Variants in DNAJC12 observed in about 807,000 individuals in gnomAD.
DNAJC12 encodes dnaJ homolog subfamily C member 12.
In DNAJC12, 25 loss-of-function variants were observed where a neutral mutation model predicts 28.5. The observed-to-expected ratio is 0.88, with a 90% CI of 0.64 to 1.22. The LOEUF (loss-of-function observed/expected upper bound fraction) is 1.22. Ranked by LOEUF, DNAJC12 falls within the 50% of genes most tolerant of loss-of-function variation. DNAJC12 has a pLI of 0.00. For missense variants in DNAJC12, 222 were observed against 231.7 expected, an observed-to-expected ratio of 0.96 and a Z score of 0.27; for synonymous variants, 77 against 80.6, an observed-to-expected ratio of 0.95 and a Z score of 0.24.
intron 1 of DNAJC12, among the ~76,000 whole-genome samples, chr10:67,828,301 A>C (rs186573361): frequency 3.3e-5 from 5 of 152,264 alleles, no homozygotes; most frequent in Admixed American, 6.5e-5. Context: ...GTGTGTATCT[A>C]TCTCTCTATA....
At chr10:67,815,514 AAAAAAAAAAAAAAG>A (rs1165089319) in intron 2 of DNAJC12, among the ~76,000 whole-genome samples, 1 of 150,310 alleles carries the variant, frequency 6.7e-6, no homozygotes, top group Non-Finnish European at 1.5e-5. Flanking sequence ...GTCTCAAAAA[AAAAAAAAAAAAAAG>A]AAAAGAAAAA....
chr10:67,806,773 C>T (rs550094160), intron 3 of DNAJC12, among the ~76,000 whole-genome samples: 87 of 147,116 alleles, frequency 5.9e-4, no homozygotes, highest in Non-Finnish European at 1.0e-3. Flanking sequence ...TGCAGTGAGC[C>T]GAGATCGCAC....
chr10:67,832,070 G>A (rs768196926), intron 1 of DNAJC12, among the ~76,000 whole-genome samples: 18 of 151,980 alleles, frequency 1.2e-4, no homozygotes, highest in Non-Finnish European at 1.8e-4. Flanking sequence ...GTCTGAGACC[G>A]GCCTGACCAA....
Position 67,823,661 on chromosome 10 carries a change from G to A in DNAJC12, c.79-269C>T, listed in dbSNP as rs4540739. Among the ~76,000 whole-genome samples, 151,793 of 151,850 alleles carry A rather than the reference G, an allele frequency of 1. 75,868 individuals are homozygous for A. Among genetic ancestry groups the A allele is most frequent in the Middle Eastern group, 1 (294 of 294 alleles). On this transcript the variant is annotated intron_variant, in intron 1 of 4. Transcript: ENST00000225171. ...GGCTGTAGTAAGCTATGATGGCACC[G>A]CTGCACTCCTGCCTGGGTAACACAG...
intron 4 of DNAJC12, 50 bp from the exon 5 acceptor site, chr10:67,797,260 A>C: frequency 6.7e-7 from 1 of 1,499,402 alleles, no homozygotes; most frequent in Middle Eastern, 1.7e-4. Flanking sequence ...GGAAAAGTCG[A>C]TCTTGTTATA....
chr10:67,826,183 G>A (rs1267999874), intron 1 of DNAJC12, among the ~76,000 whole-genome samples: 2 of 149,604 alleles, frequency 1.3e-5, no homozygotes, highest in Non-Finnish European at 3.0e-5. Context: ...CACCCAGGCT[G>A]GAGTGCAGTG....
At chr10:67,828,982 A>G (rs1376650297) in intron 1 of DNAJC12, among the ~76,000 whole-genome samples, 1 of 152,072 alleles carries the variant, frequency 6.6e-6, no homozygotes, top group African/African-American at 2.4e-5. Flanking sequence ...TAAAACACAA[A>G]TAAGACAGCT....
At chr10:67,813,867 G>C (rs1360366943) in intron 2 of DNAJC12, among the ~76,000 whole-genome samples, 2 of 151,426 alleles carry the variant, frequency 1.3e-5, no homozygotes, top group African/African-American at 2.4e-5. Context: ...CTAAATAAAT[G>C]AAAAGACATC....
chr10:67,812,263 G>A (rs1428041499), intron 2 of DNAJC12, among the ~76,000 whole-genome samples: 1 of 152,150 alleles, frequency 6.6e-6, no homozygotes, highest in Non-Finnish European at 1.5e-5. Context: ...ACAAGGCTAG[G>A]GAAAGAACGA....
chr10:67,823,121 T>C (rs1162567857), intron 2 of DNAJC12, among the ~76,000 whole-genome samples, 193 bp downstream of exon 2: 6 of 151,764 alleles, frequency 4.0e-5, no homozygotes, highest in African/African-American at 9.7e-5. Flanking sequence ...GAAAGAAAAA[T>C]AGATCTTAAA....
At position 67,811,544 on chromosome 10, in the gene DNAJC12, A is replaced by G; in HGVS notation, c.277T>C (p.Leu93=). ...CCCACCGTCTTCACTGAGTCATTCA[A>G]AGCTTCCCACTGCTGGAATGGCATC... ...MSMPFQQWEA[L]NDSVKTSMHW... Residue 93 remains leucine (L), a synonymous_variant, in exon 3 of 5, where the codon TTG becomes CTG. Transcript: ENST00000225171. The G allele has an allele frequency of 6.2e-7, 1 of 1,614,132 alleles. No individual in the cohort carries two copies. The highest frequency in any genetic ancestry group is 1.1e-5 in the South Asian group (1 of 91,060).
chr10:67,824,627 A>C (rs1170100541), intron 1 of DNAJC12, among the ~76,000 whole-genome samples: 1 of 152,134 alleles, frequency 6.6e-6, no homozygotes, highest in African/African-American at 2.4e-5. Context: ...TGAATTATTA[A>C]GACTTGGCTT....
chr10:67,821,520 A>G (rs1025953679), intron 2 of DNAJC12, among the ~76,000 whole-genome samples: 1 of 152,220 alleles, frequency 6.6e-6, no homozygotes, highest in Admixed American at 6.5e-5. Context: ...CTGTCTCAAA[A>G]AAAAACATTA....
Position 67,811,539 on chromosome 10 carries a change from A to G in DNAJC12, c.282T>C (p.Asn94=), listed in dbSNP as rs369677928. 12 of 1,614,060 alleles carry G rather than the reference A, an allele frequency of 7.4e-6. No individual in the cohort carries two copies. Among genetic ancestry groups the G allele is most frequent in the Non-Finnish European group, 1.0e-5 (12 of 1,180,034 alleles). ...SMPFQQWEAL[N]DSVKTSMHWV... ...AGAAACCCACCGTCTTCACTGAGTC[A>G]TTCAAAGCTTCCCACTGCTGGAATG... The change falls in exon 3 of 5, where the codon AAT becomes AAC. Residue 94 remains asparagine (N), a synonymous_variant. Transcript: ENST00000225171.
chr10:67,837,759 C>G (rs1387709327), intron 1 of DNAJC12, among the ~76,000 whole-genome samples, 175 bp downstream of exon 1: 3 of 152,028 alleles, frequency 2.0e-5, no homozygotes, highest in Non-Finnish European at 2.9e-5. Context: ...AAGTAAAATC[C>G]CAACATACAT....
At chr10:67,832,263 C>T (rs1842101910) in intron 1 of DNAJC12, among the ~76,000 whole-genome samples, 1 of 135,402 alleles carries the variant, frequency 7.4e-6, no homozygotes, top group Non-Finnish European at 1.6e-5. Context: ...GAAACTCCAT[C>T]TCAAAAAAAA....
At chr10:67,805,110 T>G (rs1841785455) in intron 4 of DNAJC12, among the ~76,000 whole-genome samples, 1 of 152,112 alleles carries the variant, frequency 6.6e-6, no homozygotes, top group African/African-American at 2.4e-5. Context: ...CTGACTGAAG[T>G]CAACCTGCCT....
intron 4 of DNAJC12, among the ~76,000 whole-genome samples, chr10:67,800,842 G>C (rs1841735960): frequency 6.6e-6 from 1 of 151,956 alleles, no homozygotes; most frequent in African/African-American, 2.4e-5. Flanking sequence ...TACTTGGCAG[G>C]CTGAGGCAGG....
intron 2 of DNAJC12, among the ~76,000 whole-genome samples, chr10:67,813,832 A>G (rs1247060382): frequency 6.6e-6 from 1 of 151,870 alleles, no homozygotes; most frequent in East Asian, 1.9e-4. Flanking sequence ...ACTACACAAT[A>G]TTGTCAAAAG....
Sources: allele counts gnomAD v4.1 joint callset (sites outside exome capture counted in the v4.1 genomes callset), GRCh38; gene constraint gnomAD v4.1.1; transcripts MANE v1.5; gene names NCBI Gene and HGNC (gene_info 2026-07-23, HGNC 2026-07-21).